DAD1: variants seen among roughly 807,000 people sequenced by gnomAD.
DAD1 encodes the protein defender against cell death 1, also known as dolichyl-diphosphooligosaccharide--protein glycosyltransferase subunit DAD1.
Under a neutral mutation model 9.0 loss-of-function variants are expected in DAD1, and 4 were observed. The ratio of observed to expected loss-of-function variants is 0.44; its 90% CI spans 0.22 to 1.01. The LOEUF is 1.01. DAD1 is among the 50% of genes least tolerant of loss of function. The pLI is 0.24. For synonymous variants in DAD1, 60 were observed against 62.5 expected (o/e 0.96, Z 0.19); for missense variants, 119 against 137.3 (o/e 0.87, Z 0.67).
At chr14:22,567,121 C>T (rs930638952) in intron 2 of DAD1, 6 of 152,206 alleles carry the variant, frequency 3.9e-5, no homozygotes, top group African/African-American at 1.4e-4. Flanking sequence ...GTCTATTTCA[C>T]CTGGGCAGAA....
intron 2 of DAD1, among the ~76,000 whole-genome samples, chr14:22,571,210 G>A (rs28624607): frequency 0.15 from 22,683 of 147,608 alleles, 1,717 homozygotes; most frequent in Middle Eastern, 0.2. Flanking sequence ...GCTACTCGGG[G>A]AGGCTGCGGC....
chr14:22,567,644 A>C lies in DAD1; in HGVS notation c.*45-2507T>G, dbSNP rs555525851. Among the ~76,000 whole-genome samples the C allele has an allele frequency of 1.6e-4, 24 of 152,356 alleles. No homozygotes were observed. In the South Asian group the frequency reaches 4.6e-3, roughly 29 times the overall value. On this transcript the variant is annotated intron_variant, in intron 2 of 2. Coordinates refer to ENST00000250498, the MANE Select transcript of DAD1 (RefSeq NM_001344.4). ...AAACTTAGTCAAAGTTAAATTAAAAATTCAGTTCTTCAGTCTGTTAGCCAC... is the reference window on the plus strand; with the variant it reads ...AAACTTAGTCAAAGTTAAATTAAAACTTCAGTTCTTCAGTCTGTTAGCCAC...
chr14:22,573,519 C>CCTG (rs536059315), intron 2 of DAD1, among the ~76,000 whole-genome samples: 58 of 151,928 alleles, frequency 3.8e-4, no homozygotes, highest in Non-Finnish European at 7.7e-4. Flanking sequence ...TCGAGATCAT[C>CCTG]CTAACACGGT....
intron 2 of DAD1, among the ~76,000 whole-genome samples, chr14:22,569,758 G>A (rs369060493): frequency 1.3e-5 from 2 of 152,126 alleles, no homozygotes; most frequent in African/African-American, 4.8e-5. Context: ...ATATAAAATA[G>A]AGTTCAATAA....
At chr14:22,577,997 T>C (rs8017144) in intron 1 of DAD1, among the ~76,000 whole-genome samples, 2,124 of 152,298 alleles carry the variant, frequency 0.014, 44 homozygotes, top group African/African-American at 0.048. Flanking sequence ...CTCACGCCTG[T>C]AATCCCAGCA....
intron 1 of DAD1, among the ~76,000 whole-genome samples, chr14:22,578,283 G>A (rs899421821): frequency 1.3e-5 from 2 of 151,214 alleles, no homozygotes; most frequent in Admixed American, 1.3e-4. Flanking sequence ...ATAAAACAAG[G>A]GCCAGGCACG....
Position 22,589,201 on chromosome 14 carries a change from G to T in DAD1, c.-44C>A. 2 of 1,601,942 alleles carry T rather than the reference G, an allele frequency of 1.2e-6. No individual in the cohort carries two copies. Among genetic ancestry groups the T allele is most frequent in the Non-Finnish European group, 1.7e-6 (2 of 1,170,072 alleles). On this transcript the variant is annotated 5_prime_UTR_variant, in exon 1 of 3. Transcript: ENST00000250498. ...CCGGTCCGCGCCCCAAACTCTTGGA[G>T]GACCCGTCGACCACACCGGATGTGC...
Position 22,564,981 on chromosome 14 carries a change from A to C in DAD1, c.*201T>G. 2 of 615,978 alleles carry C rather than the reference A, an allele frequency of 3.2e-6. No individual in the cohort carries two copies. Among genetic ancestry groups the C allele is most frequent in the South Asian group, 3.8e-5 (2 of 52,868 alleles). The allele number at this position is 615,978 out of a possible 1,614,324, so 38.2% of individuals were successfully genotyped here. ...ATGAAAGGCAGAGGCTGGATTAATA[A>C]ATGTTTGTTAGAAAGTTGTTCTGAC... is the stretch of plus-strand genomic sequence containing the variant. On this transcript the variant is annotated 3_prime_UTR_variant, in exon 3 of 3. Coordinates refer to ENST00000250498, the MANE Select transcript of DAD1 (RefSeq NM_001344.4).
chr14:22,573,672 T>C (rs1333106454), intron 2 of DAD1, among the ~76,000 whole-genome samples: 1 of 107,804 alleles, frequency 9.3e-6, no homozygotes, highest in Non-Finnish European at 1.7e-5. Flanking sequence ...ATCGCACCAC[T>C]GCACTCCAGC....
chr14:22,580,930 C>T (rs1280817325), intron 1 of DAD1, among the ~76,000 whole-genome samples: 1 of 150,490 alleles, frequency 6.6e-6, no homozygotes, highest in African/African-American at 2.4e-5. Flanking sequence ...GCATTGGAAA[C>T]AAAAAAGGCA....
Position 22,589,048 on chromosome 14 carries a change from G to A in DAD1, c.110C>T (p.Thr37Ile), listed in dbSNP as rs1322067802. ...LDAYLLYILL[T>I]GALQFGYCLL... ...ACAGTAACCGAACTGCAGCGCCCCG[G>A]TCAGCAGTATATACAGCAGGTACGC... Residue 37 changes from threonine (T) to isoleucine (I), a missense_variant, in exon 1 of 3, where the codon ACC becomes ATC. Coordinates refer to ENST00000250498, the MANE Select transcript of DAD1 (RefSeq NM_001344.4). 1.2e-6 allele frequency: 2 copies of A among 1,614,084 alleles called. No homozygotes were observed. Among genetic ancestry groups the A allele is most frequent in the East Asian group, 2.2e-5 (1 of 44,904 alleles).
intron 1 of DAD1, among the ~76,000 whole-genome samples, chr14:22,577,153 G>A (rs992098852): frequency 8.5e-5 from 13 of 152,128 alleles, no homozygotes; most frequent in African/African-American, 3.1e-4. Context: ...CAGGATCTCG[G>A]CCAGGCACAG....
intron 1 of DAD1, 77 bp from the exon 2 acceptor site, chr14:22,575,310 C>T (rs924633466): frequency 8.7e-6 from 13 of 1,501,094 alleles, no homozygotes; most frequent in Middle Eastern, 1.8e-4. Context: ...CAGACATACC[C>T]GAGGACCCAA....
chr14:22,576,922 A>C (rs1301540362), intron 1 of DAD1, among the ~76,000 whole-genome samples: 1 of 152,198 alleles, frequency 6.6e-6, no homozygotes, highest in Non-Finnish European at 1.5e-5. Flanking sequence ...TTACAACGAG[A>C]TATCACCTCA....
intron 2 of DAD1, among the ~76,000 whole-genome samples, chr14:22,572,291 T>C (rs1276567069): frequency 6.6e-6 from 1 of 152,122 alleles, no homozygotes; most frequent in Non-Finnish European, 1.5e-5. Context: ...GGTATAAATA[T>C]TGAGAATTTA....
intron 1 of DAD1, 96 bp downstream of exon 1, chr14:22,588,851 C>T: frequency 7.9e-7 from 1 of 1,269,382 alleles, no homozygotes; most frequent in Non-Finnish European, 1.1e-6. Context: ...CTTCTCATAA[C>T]TTCAAGGGGC....
intron 2 of DAD1, among the ~76,000 whole-genome samples, chr14:22,565,841 T>G (rs2036998960): frequency 6.6e-6 from 1 of 152,086 alleles, no homozygotes; most frequent in African/African-American, 2.4e-5. Context: ...CCAGCACAGC[T>G]CTGGTTGGAA....
intron 1 of DAD1, among the ~76,000 whole-genome samples, chr14:22,586,199 C>CAAA (rs11357700): frequency 9.8e-5 from 12 of 122,470 alleles, no homozygotes; most frequent in African/African-American, 2.9e-4. Context: ...GACTCCGTCT[C>CAAA]AAAAAAAAAA....
chr14:22,567,657 G>T (rs1357313516), intron 2 of DAD1, among the ~76,000 whole-genome samples: 1 of 152,190 alleles, frequency 6.6e-6, no homozygotes, highest in Non-Finnish European at 1.5e-5. Context: ...CAGTTCTTCA[G>T]TCTGTTAGCC....
Sources: allele counts gnomAD v4.1 joint callset (sites outside exome capture counted in the v4.1 genomes callset), GRCh38; gene constraint gnomAD v4.1.1; transcripts MANE v1.5; gene names NCBI Gene and HGNC (gene_info 2026-07-23, HGNC 2026-07-21).